The following LARP4B variants were observed in gnomAD, a reference collection of about 807,000 sequenced individuals.
LARP4B encodes La ribonucleoprotein 4B, also known as la-related protein 4B.
A neutral mutation model predicts 89.8 loss-of-function variants in LARP4B; 12 were observed. The ratio of observed to expected loss-of-function variants is 0.13; its 90% CI spans 0.09 to 0.22. LARP4B has a LOEUF of 0.22. Ranked by LOEUF, LARP4B falls within the 10% of genes least tolerant of loss-of-function variation. The pLI is 1.00. For missense variants in LARP4B, 757 were observed against 947.7 expected, an observed-to-expected ratio of 0.80 and a Z score of 2.64; for synonymous variants, 367 against 363.3, an observed-to-expected ratio of 1.01 and a Z score of -0.12.
the LARP4B span, among the ~76,000 whole-genome samples, chr10:946,172 G>A: frequency 6.6e-6 from 1 of 152,226 alleles, no homozygotes; most frequent in Non-Finnish European, 1.5e-5. Flanking sequence ...GATATCATTT[G>A]CTGCCACTTC....
the LARP4B span, chr10:972,607 T>G: frequency 2.2e-6 from 1 of 457,318 alleles, no homozygotes; most frequent in Middle Eastern, 3.2e-4. Context: ...AAGGGGTGTT[T>G]AGAGACTTCC....
intron 3 of LARP4B, among the ~76,000 whole-genome samples, chr10:880,063 C>G (rs1835609367): frequency 6.6e-6 from 1 of 152,044 alleles, no homozygotes; most frequent in Non-Finnish European, 1.5e-5. Flanking sequence ...CATGAGCCAC[C>G]GCACCTGGCC....
In LARP4B at chr10:830,953, C is replaced by G. The variant is rs1444276349; in HGVS notation, c.775G>C (p.Asp259His). Residue 259 changes from aspartate to histidine, a missense_variant, in exon 9 of 18, where the codon GAT (aspartate) becomes CAT (histidine). Physicochemically the swap from Asp to His is moderately conservative, Grantham distance 81. This residue lies in a region of LARP4B where 137 missense variants were observed against 213.9 expected (regional missense o/e 0.64). Transcript: ENST00000316157. Reference sequence around the variant, plus strand: ...CAGTTTATAAATTTTGGTAAATTATCTCCTTTAAATAGTGCTTCTACTTCC... The same window carrying G: ...CAGTTTATAAATTTTGGTAAATTATGTCCTTTAAATAGTGCTTCTACTTCC... The part of the protein sequence containing the change: ...VEEVEALFKG[D>H]NLPKFINCEF... 2 of 1,197,758 alleles carry G rather than the reference C, an allele frequency of 1.7e-6. No homozygotes were observed. The highest frequency in any genetic ancestry group is 2.5e-5 in the South Asian group (2 of 80,586). The allele number at this position is 1,197,758 out of a possible 1,614,324, so 74.2% of individuals were successfully genotyped here. A position where few individuals can be genotyped will look rare whatever the true frequency, so the allele number is the denominator to read the frequency against.
At chr10:829,132 T>A (rs1832767580) in intron 11 of LARP4B, among the ~76,000 whole-genome samples, 1 of 152,344 alleles carries the variant, frequency 6.6e-6, no homozygotes, top group South Asian at 2.1e-4. Flanking sequence ...CTTATCGCCC[T>A]CTGCGTCTTG....
upstream of LARP4B, among the ~76,000 whole-genome samples, chr10:936,110 T>A (rs1461439488): frequency 6.6e-6 from 1 of 152,158 alleles, no homozygotes; most frequent in Non-Finnish European, 1.5e-5. Context: ...GCTCAAAAAT[T>A]CATTTTTGAT....
At chr10:909,740 G>A (rs879705604) in intron 1 of LARP4B, among the ~76,000 whole-genome samples, 4 of 151,790 alleles carry the variant, frequency 2.6e-5, no homozygotes, top group South Asian at 2.1e-4. Context: ...AGCTGAGATC[G>A]CGCCACTGCA....
chr10:946,572 T>C, the LARP4B span, among the ~76,000 whole-genome samples: 2 of 152,320 alleles, frequency 1.3e-5, no homozygotes, highest in African/African-American at 2.4e-5. Context: ...CCTTTAAACT[T>C]TGTCTTGTAA....
intron 1 of LARP4B, among the ~76,000 whole-genome samples, chr10:921,436 C>T (rs1836977722): frequency 6.6e-6 from 1 of 152,084 alleles, no homozygotes; most frequent in Non-Finnish European, 1.5e-5. Flanking sequence ...CATGTGATTT[C>T]ATGAAAAACC....
intron 1 of LARP4B, among the ~76,000 whole-genome samples, chr10:900,619 T>C (rs1474995323): frequency 1.1e-5 from 1 of 89,666 alleles, no homozygotes; most frequent in African/African-American, 4.7e-5. Context: ...ATATATTTCC[T>C]TTTTTTTTTT....
intron 13 of LARP4B, among the ~76,000 whole-genome samples, chr10:821,241 A>C (rs559054066): frequency 6.6e-6 from 1 of 152,330 alleles, no homozygotes; most frequent in South Asian, 2.1e-4. Flanking sequence ...TTCCCGGCGC[A>C]GATTTGCTTT....
intron 3 of LARP4B, among the ~76,000 whole-genome samples, chr10:866,847 C>A (rs955243147): frequency 1.3e-5 from 2 of 152,194 alleles, no homozygotes; most frequent in African/African-American, 4.8e-5. Flanking sequence ...AGACCAACAG[C>A]ACTTTGAAAG....
chr10:914,700 C>T (rs1011851790), intron 1 of LARP4B, among the ~76,000 whole-genome samples: 8 of 150,246 alleles, frequency 5.3e-5, no homozygotes, highest in African/African-American at 1.7e-4. Context: ...GAGGCTGAGG[C>T]AAGAGAATTG....
intron 12 of LARP4B, 69 bp from the exon 13 acceptor site, chr10:825,385 A>G: frequency 2.7e-6 from 4 of 1,474,876 alleles, no homozygotes; most frequent in Non-Finnish European, 3.7e-6. Flanking sequence ...ATGCATACTG[A>G]CATGGAATAG....
intron 1 of LARP4B, chr10:924,343 T>A (rs1159380855): frequency 6.6e-6 from 1 of 152,212 alleles, no homozygotes; most frequent in Non-Finnish European, 1.5e-5. Flanking sequence ...CCTTTTCAAC[T>A]ATGAAGAGAG....
chr10:912,366 T>C (rs905326028), intron 1 of LARP4B, among the ~76,000 whole-genome samples: 10 of 152,102 alleles, frequency 6.6e-5, no homozygotes, highest in Non-Finnish European at 1.2e-4. Context: ...TTTACAAATT[T>C]GTGTTGGGCC....
At chr10:957,951 C>G in the LARP4B span, among the ~76,000 whole-genome samples, 1 of 151,992 alleles carries the variant, frequency 6.6e-6, no homozygotes, top group Admixed American at 6.6e-5. Context: ...TGTGCACCAC[C>G]ACGCCTGGCT....
At chr10:841,722 G>A (rs1438393549) in intron 7 of LARP4B, among the ~76,000 whole-genome samples, 1 of 152,198 alleles carries the variant, frequency 6.6e-6, no homozygotes, top group African/African-American at 2.4e-5. Flanking sequence ...AACAGCTTCT[G>A]TTCTGCATGA....
Position 825,273 on chromosome 10 carries a change from C to G in LARP4B, c.1276G>C (p.Glu426Gln), listed in dbSNP as rs1176909949. Reference sequence around the variant, plus strand: ...CTTTCTAATAACCCAGGTCCCCTCTCTGCACTAGGAATCGCATGCCGCAGA... The same window carrying G: ...CTTTCTAATAACCCAGGTCCCCTCTGTGCACTAGGAATCGCATGCCGCAGA... ...SHLRHAIPSA[E>Q]RGPGLLESPS... Residue 426 changes from glutamate (E) to glutamine (Q), a missense_variant, in exon 13 of 18, where the codon GAG becomes CAG. Coordinates refer to ENST00000316157, the MANE Select transcript of LARP4B (RefSeq NM_015155.3). 2 of 1,614,186 alleles carry G rather than the reference C, an allele frequency of 1.2e-6. No individual in the cohort carries two copies. Among genetic ancestry groups the G allele is most frequent in the Admixed American group, 3.3e-5 (2 of 60,030 alleles).
At chr10:925,742 C>T (rs1837118509) in intron 1 of LARP4B, among the ~76,000 whole-genome samples, 1 of 152,162 alleles carries the variant, frequency 6.6e-6, no homozygotes, top group Non-Finnish European at 1.5e-5. Flanking sequence ...CCATGTTGGC[C>T]AGGCTGGTCT....
Sources: allele counts gnomAD v4.1 joint callset (sites outside exome capture counted in the v4.1 genomes callset), GRCh38; gene constraint gnomAD v4.1.1; regional missense constraint gnomAD v4.1.1; transcripts MANE v1.5; gene names NCBI Gene and HGNC (gene_info 2026-07-23, HGNC 2026-07-21).